MYDGF: variants seen among roughly 807,000 people sequenced by gnomAD.
The protein encoded by MYDGF is myeloid-derived growth factor.
In MYDGF, 29 loss-of-function variants were observed where a neutral mutation model predicts 24.2. The ratio of observed to expected loss-of-function variants is 1.20; its 90% confidence interval spans 0.89 to 1.63. MYDGF has a LOEUF of 1.63. Ranked by LOEUF, MYDGF falls within the 40% of genes most tolerant of loss-of-function variation. The pLI is 0.00. For missense variants in MYDGF, 245 were observed against 234.8 expected (o/e 1.04, Z -0.29); for synonymous variants, 105 against 102.5 (o/e 1.02, Z -0.15).
Position 4,663,295 on chromosome 19 carries a change from T to C in MYDGF, c.287+1581A>G, listed in dbSNP as rs1196305420. On this transcript the variant is annotated intron_variant, in intron 3 of 5. Transcript: ENST00000262947. ...CTCCAATCTGTGCCCTCTCCACCCATCCCATCCTCATTCTACACAGCCTCC... is the reference window on the plus strand; with the variant it reads ...CTCCAATCTGTGCCCTCTCCACCCACCCCATCCTCATTCTACACAGCCTCC... 2.9e-3 allele frequency among the ~76,000 whole-genome samples: 188 copies of C among 64,094 alleles called. 1 individual carries two copies. Among genetic ancestry groups the C allele is most frequent in the Middle Eastern group, 0.014 (1 of 70 alleles). 42.0% of individuals were successfully genotyped at this position (64,094 alleles called of 152,430 possible).
At position 4,668,598 on chromosome 19, in the gene MYDGF, A is replaced by C. The variant is rs754463444; in HGVS notation, c.222T>G (p.Asn74Lys). ...GAGGGAATTTTGAACAACTCACCTC[A>C]TTGGTCCCTCCTTGAGAGGCGTAAG... ...MFTYASQGGT[N>K]EQWQMSLGTS... The change falls in exon 2 of 6, where the codon AAT (asparagine) becomes AAG (lysine). Residue 74 changes from asparagine to lysine, a missense_variant. By Grantham distance (94) the Asn-to-Lys change is moderately conservative. Transcript: ENST00000262947. 6.2e-7 allele frequency: 1 copy of C among 1,611,576 alleles called. No individual in the cohort carries two copies. Among genetic ancestry groups the C allele is most frequent in the Non-Finnish European group, 8.5e-7 (1 of 1,177,858 alleles).
At position 4,668,664 on chromosome 19, in the gene MYDGF, A is replaced by G; in HGVS notation, c.175-19T>C. On this transcript the variant is annotated intron_variant, in intron 1 of 5. Transcript: ENST00000262947. ...ATTTGTCCTAGAGAATGGAAGGAAA[A>G]AAAAGGTTTGGTAGAAGGAAATTTT... 1 of 1,609,664 alleles carries G rather than the reference A, an allele frequency of 6.2e-7. No homozygotes were observed. The highest frequency in any genetic ancestry group is 8.5e-7 in the Non-Finnish European group (1 of 1,177,026).
intron 5 of MYDGF, among the ~76,000 whole-genome samples, chr19:4,658,669 T>C (rs1462537983): frequency 6.6e-6 from 1 of 152,184 alleles, no homozygotes; most frequent in Non-Finnish European, 1.5e-5. Context: ...AGGACACCGG[T>C]GCTGCTCAGG....
At position 4,657,772 on chromosome 19, in the gene MYDGF, G is replaced by A. The variant is rs529961558; in HGVS notation, c.*233C>T. 2.3e-4 allele frequency: 94 copies of A among 412,978 alleles called. No individual in the cohort carries two copies. Among genetic ancestry groups the A allele is most frequent in the African/African-American group, 1.5e-3 (77 of 50,238 alleles). 25.6% of individuals were successfully genotyped at this position (412,978 alleles called of 1,614,324 possible). A position where few individuals can be genotyped will look rare whatever the true frequency, so the allele number is the denominator to read the frequency against. On this transcript the variant is annotated 3_prime_UTR_variant, in exon 6 of 6. Transcript: ENST00000262947. ...GCGATCCTGAGTCCAGAAGAGCTCAGCAGGAAGTGGGAACTGAGAAGCTGT... is the reference window on the plus strand; with the variant it reads ...GCGATCCTGAGTCCAGAAGAGCTCAACAGGAAGTGGGAACTGAGAAGCTGT...
intron 3 of MYDGF, among the ~76,000 whole-genome samples, chr19:4,660,964 A>AT (rs10718244): frequency 0.025 from 2,506 of 99,154 alleles, 39 homozygotes; most frequent in Middle Eastern, 0.054. Context: ...TTGTGCCAGA[A>AT]TTTTTTTTTT....
chr19:4,668,669 G>A (rs755138171), intron 1 of MYDGF, 24 bp from the exon 2 acceptor site: 1 of 1,605,144 alleles, frequency 6.2e-7, no homozygotes, highest in Non-Finnish European at 8.5e-7. Context: ...GGAAAAAAAA[G>A]GTTTGGTAGA....
Position 4,657,974 on chromosome 19 carries a change from G to A in MYDGF, c.*31C>T. 6.3e-7 allele frequency: 1 copy of A among 1,584,320 alleles called. No individual in the cohort carries two copies. Among genetic ancestry groups the A allele is most frequent in the South Asian group, 1.1e-5 (1 of 87,604 alleles). On this transcript the variant is annotated 3_prime_UTR_variant, in exon 6 of 6. Coordinates refer to ENST00000262947, the MANE Select transcript of MYDGF (RefSeq NM_019107.4). ...AGGCCCCTTCAGCTTCACCGGAGAT[G>A]AGAAGGTGCCACCCGCAACAGGGCT...
In MYDGF at chr19:4,660,674, C is replaced by T. The variant is rs2088462857; in HGVS notation, c.364G>A (p.Ala122Thr). 1 of 1,613,836 alleles carries T rather than the reference C, an allele frequency of 6.2e-7. No homozygotes were observed. The highest frequency in any genetic ancestry group is 8.5e-7 in the Non-Finnish European group (1 of 1,179,886). The change falls in exon 4 of 6, where the codon GCC (alanine) becomes ACC (threonine). Residue 122 changes from alanine to threonine, a missense_variant. By Grantham distance (58) the Ala-to-Thr change is moderately conservative. Transcript: ENST00000262947. ...CCCCACTCCAAGATACTCACGTAGGCCATGGCGTACTCAATCTCAGCGCCC... is the reference window on the plus strand; with the variant it reads ...CCCCACTCCAAGATACTCACGTAGGTCATGGCGTACTCAATCTCAGCGCCC... The part of the protein sequence containing the change: ...VRGAEIEYAM[A>T]YSKAAFERES...
At chr19:4,660,821 G>A in intron 3 of MYDGF, 71 bp from the exon 4 acceptor site, 3 of 1,341,246 alleles carry the variant, frequency 2.2e-6, no homozygotes, top group South Asian at 1.2e-5. Flanking sequence ...CCTGGAAGGA[G>A]CCCCGCCAGG....
chr19:4,669,659 G>A (rs966787744), intron 1 of MYDGF, among the ~76,000 whole-genome samples: 2 of 152,186 alleles, frequency 1.3e-5, no homozygotes, highest in Non-Finnish European at 2.9e-5. Context: ...GGCTGAGAGG[G>A]GAAAGGACTT....
At chr19:4,664,733 C>G (rs556229529) in intron 3 of MYDGF, 143 bp downstream of exon 3, 68 of 873,288 alleles carry the variant, frequency 7.8e-5, no homozygotes, top group African/African-American at 6.6e-4. Context: ...TGCCACCCCC[C>G]ACCTGCACGT....
chr19:4,665,740 G>A (rs2088515247), intron 2 of MYDGF, among the ~76,000 whole-genome samples: 1 of 144,226 alleles, frequency 6.9e-6, no homozygotes, highest in African/African-American at 2.5e-5. Context: ...AGAATGGCGT[G>A]TACCCGGGAG....
chr19:4,666,732 A>G (rs1338429676), intron 2 of MYDGF, among the ~76,000 whole-genome samples: 1 of 152,038 alleles, frequency 6.6e-6, no homozygotes, highest in Non-Finnish European at 1.5e-5. Context: ...TCAACTCCAC[A>G]CGTCCATGCA....
At chr19:4,668,813 C>CT in intron 1 of MYDGF, 168 bp from the exon 2 acceptor site, 2 of 553,656 alleles carry the variant, frequency 3.6e-6, no homozygotes, top group Admixed American at 6.1e-5. Context: ...TCTCAAGTAA[C>CT]TGAGACAATA....
In MYDGF at chr19:4,658,133, G is replaced by C. The variant is rs576434089; in HGVS notation, c.443-49C>G. On this transcript the variant is annotated intron_variant, in intron 5 of 5. Coordinates refer to ENST00000262947, the MANE Select transcript of MYDGF (RefSeq NM_019107.4). ...GGGCCCTCAACATTGAAAATTCTCA[G>C]AAGTCCGGAGGATTTGGGGTGGGGC... The C allele has an allele frequency of 1.3e-5, 20 of 1,538,938 alleles. No individual in the cohort carries two copies. The African/African-American group carries it at 2.6e-4, about 20-fold the overall frequency.
intron 3 of MYDGF, among the ~76,000 whole-genome samples, chr19:4,664,131 CCA>C (rs1004600909): frequency 1.3e-5 from 2 of 152,062 alleles, no homozygotes; most frequent in African/African-American, 4.8e-5. Context: ...ACACGCCCAT[CCA>C]CAGAGACAGG....
In MYDGF at chr19:4,662,311, A is replaced by C. The variant is rs183820382; in HGVS notation, c.288-1561T>G. Reference sequence around the variant, plus strand: ...AGCTATAGCTTGGACTTCTCCCTCCAAAGTGTCTGCACAAAATAAAGGCTC... The same window carrying C: ...AGCTATAGCTTGGACTTCTCCCTCCCAAGTGTCTGCACAAAATAAAGGCTC... On this transcript the variant is annotated intron_variant, in intron 3 of 5. Transcript: ENST00000262947. 3.5e-4 allele frequency among the ~76,000 whole-genome samples: 54 copies of C among 152,306 alleles called. No homozygotes were observed. The East Asian group carries it at 9.4e-3, about 27-fold the overall frequency.
chr19:4,659,632 G>A (rs368311179), intron 5 of MYDGF: 36 of 493,510 alleles, frequency 7.3e-5, no homozygotes, highest in South Asian at 3.7e-4. Context: ...GAGCAGCTGC[G>A]GTAACAGGCA....
intron 3 of MYDGF, among the ~76,000 whole-genome samples, chr19:4,660,964 ATTTTTT>A (rs10718244): frequency 1.0e-5 from 1 of 99,220 alleles, no homozygotes; most frequent in East Asian, 2.8e-4. Flanking sequence ...TTGTGCCAGA[ATTTTTT>A]TTTTTTTTTT....
Sources: allele counts gnomAD v4.1 joint callset (sites outside exome capture counted in the v4.1 genomes callset), GRCh38; gene constraint gnomAD v4.1.1; transcripts MANE v1.5; gene names NCBI Gene and HGNC (gene_info 2026-07-23, HGNC 2026-07-21).